The following PCDHA1 variants were observed in gnomAD, a reference collection of about 807,000 sequenced individuals.
The protein encoded by PCDHA1 is protocadherin alpha 1.
Under a neutral mutation model 61.3 loss-of-function variants are expected in PCDHA1, and 42 were observed. The observed-to-expected ratio is 0.69, with a 90% CI of 0.54 to 0.89. The LOEUF is 0.89. Among genes scored for constraint, PCDHA1 ranks in the 40% least tolerant of loss-of-function variants. The pLI is 0.00. For missense variants in PCDHA1, 1,256 were observed against 1,235.3 expected, an observed-to-expected ratio of 1.02 and a Z score of -0.25; for synonymous variants, 610 against 553.8, an observed-to-expected ratio of 1.10 and a Z score of -1.43.
At chr5:140,916,417 A>G (rs2077566178) in intron 1 of PCDHA1, among the ~76,000 whole-genome samples, 1 of 152,246 alleles carries the variant, frequency 6.6e-6, no homozygotes. Flanking sequence ...AAGTCAGCAC[A>G]TCTCAGAACC....
chr5:140,793,598 T>A (rs545962759), intron 1 of PCDHA1, among the ~76,000 whole-genome samples: 2 of 152,334 alleles, frequency 1.3e-5, no homozygotes, highest in South Asian at 4.1e-4. Context: ...ACAAAATTGG[T>A]GACATGGTTA....
In PCDHA1 at chr5:140,786,214, A is replaced by C. The variant is rs1299716082; in HGVS notation, c.-77A>C. On this transcript the variant is annotated 5_prime_UTR_variant, in exon 1 of 4. Coordinates refer to ENST00000504120, the MANE Select transcript of PCDHA1 (RefSeq NM_018900.4). Reference sequence around the variant, plus strand: ...AGAAGACAGAAACGGTAAAGAGATAAATGATTGGAAATATTAGATAAAATG... The same window carrying C: ...AGAAGACAGAAACGGTAAAGAGATACATGATTGGAAATATTAGATAAAATG... 3 of 1,496,574 alleles carry C rather than the reference A, an allele frequency of 2.0e-6. No homozygotes were observed. The African/African-American group carries it at 4.2e-5, about 21-fold the overall frequency. The allele number at this position is 1,496,574 out of a possible 1,614,324, so 92.7% of individuals were successfully genotyped here.
At chr5:140,837,652 CCTTTTTCTTTCATT>C (rs2150143290) in intron 1 of PCDHA1, among the ~76,000 whole-genome samples, 1 of 148,754 alleles carries the variant, frequency 6.7e-6, no homozygotes, top group South Asian at 2.1e-4. Flanking sequence ...TTTCTTTCTT[CCTTTTTCTTTCATT>C]CTTTTTCTTT....
chr5:140,832,529 C>T (rs1417040137), intron 1 of PCDHA1, among the ~76,000 whole-genome samples: 1 of 152,170 alleles, frequency 6.6e-6, no homozygotes, highest in Non-Finnish European at 1.5e-5. Context: ...TGAAGATCAC[C>T]ATTTGTGTAG....
chr5:140,795,084 A>C (rs1562150572), intron 1 of PCDHA1: 14 of 1,614,034 alleles, frequency 8.7e-6, no homozygotes, highest in Non-Finnish European at 1.1e-5. Flanking sequence ...AGGAGGCCAA[A>C]CACGGCACCT....
intron 1 of PCDHA1, among the ~76,000 whole-genome samples, chr5:140,959,250 G>A (rs2095476529): frequency 6.6e-6 from 1 of 152,030 alleles, no homozygotes. Context: ...GATAGTGCAT[G>A]ACTGTAGTCC....
chr5:140,928,216 A>T, intron 1 of PCDHA1: 1 of 1,614,188 alleles, frequency 6.2e-7, no homozygotes, highest in Non-Finnish European at 8.5e-7. Context: ...GAATGACAAT[A>T]CACCAAACTT....
intron 1 of PCDHA1, among the ~76,000 whole-genome samples, chr5:140,961,406 G>C (rs1046743232): frequency 4.6e-5 from 7 of 152,008 alleles, no homozygotes; most frequent in Non-Finnish European, 1.0e-4. Flanking sequence ...AACACTTTTT[G>C]GCATGTTATT....
chr5:140,886,841 A>G lies in PCDHA1; in HGVS notation c.2395-92108A>G, dbSNP rs11748230. ...GACTTCGTCTTGAAAAAAAAAAAAA[A>G]AAAAAAGAAAGGTCTTCCCAACTCC... is the stretch of plus-strand genomic sequence containing the variant. On this transcript the variant is annotated intron_variant, in intron 1 of 3. Transcript: ENST00000504120. Among the ~76,000 whole-genome samples the G allele has an allele frequency of 9.0e-3, 1,368 of 151,662 alleles. 8 individuals are homozygous for G. Among genetic ancestry groups the G allele is most frequent in the Non-Finnish European group, 0.016 (1,078 of 67,864 alleles).
At position 140,788,618 on chromosome 5, in the gene PCDHA1, A is replaced by G. The variant is rs369861299; in HGVS notation, c.2328A>G (p.Leu776=). 6.2e-6 allele frequency: 10 copies of G among 1,613,762 alleles called. 1 individual carries two copies. The highest frequency in any genetic ancestry group is 5.5e-5 in the South Asian group (5 of 91,048). Residue 776 remains leucine, a synonymous_variant, in exon 1 of 4, where the codon CTA becomes CTG. Coordinates refer to ENST00000504120, the MANE Select transcript of PCDHA1 (RefSeq NM_018900.4). Reference sequence around the variant, plus strand: ...ACCTCATGGCCTTCAGCCCAGGCCTATCTCCAAGTCTTAACACGTCAGAAA... The same window carrying G: ...ACCTCATGGCCTTCAGCCCAGGCCTGTCTCCAAGTCTTAACACGTCAGAAA... The part of the protein sequence containing the change: ...KTDLMAFSPG[L]SPSLNTSERN...
intron 1 of PCDHA1, chr5:140,829,834 G>A (rs1263397985): frequency 2.5e-6 from 4 of 1,613,810 alleles, no homozygotes; most frequent in African/African-American, 2.7e-5. Flanking sequence ...GCGAGCTGGT[G>A]CCGCGGTCAC....
chr5:140,856,321 C>G lies in PCDHA1; in HGVS notation c.2394+67637C>G, dbSNP rs544932528. ...TGTTTGTGAATTCTCGGATTGACCG[C>G]GAGGAGCTGTGCGGGCGGAGCGTGG... On this transcript the variant is annotated intron_variant, in intron 1 of 3. Transcript: ENST00000504120. 15 of 1,598,548 alleles carry G rather than the reference C, an allele frequency of 9.4e-6. 2 individuals are homozygous for G. In the Admixed American group the frequency reaches 1.3e-4, roughly 14 times the overall value.
At chr5:140,791,150 A>C (rs1379342106) in intron 1 of PCDHA1, among the ~76,000 whole-genome samples, 1 of 152,232 alleles carries the variant, frequency 6.6e-6, no homozygotes, top group Non-Finnish European at 1.5e-5. Context: ...GAAAATGAGA[A>C]ATAGTTTATA....
intron 1 of PCDHA1, chr5:140,877,802 A>C: frequency 6.2e-7 from 1 of 1,613,434 alleles, no homozygotes; most frequent in Non-Finnish European, 8.5e-7. Flanking sequence ...CCAAGCCTTC[A>C]GCTGTCTCGA....
At chr5:140,797,216 C>A (rs1554120342) in intron 1 of PCDHA1, 1 of 1,614,202 alleles carries the variant, frequency 6.2e-7, no homozygotes, top group Admixed American at 1.7e-5. Flanking sequence ...TGGTCTTACT[C>A]GCAGCAGAGG....
chr5:140,870,935 A>C, intron 1 of PCDHA1: 2 of 1,613,778 alleles, frequency 1.2e-6, no homozygotes, highest in African/African-American at 2.7e-5. Context: ...TATGAATTGC[A>C]GCCGGCGGCG....
At chr5:140,980,852 T>G (rs1233523507) in intron 2 of PCDHA1, among the ~76,000 whole-genome samples, 5 of 152,184 alleles carry the variant, frequency 3.3e-5, no homozygotes, top group African/African-American at 1.2e-4. Flanking sequence ...TACTAATCTT[T>G]TTCGTATGTG....
chr5:140,851,135 A>G (rs782166459), intron 1 of PCDHA1: 3 of 1,314,088 alleles, frequency 2.3e-6, no homozygotes, highest in Admixed American at 2.9e-5. Flanking sequence ...ATTTGTGATT[A>G]AAGTGACATT....
At chr5:140,871,405 C>T (rs1554165555) in intron 1 of PCDHA1, 10 of 1,614,106 alleles carry the variant, frequency 6.2e-6, no homozygotes, top group Non-Finnish European at 7.6e-6. Flanking sequence ...TAAGACGGAC[C>T]TCATGGCCTT....
Sources: gnomAD v4.1 joint callset for allele counts (sites outside exome capture counted in the v4.1 genomes callset) on GRCh38, gnomAD v4.1.1 for gene constraint, MANE v1.5 for transcripts, NCBI Gene and HGNC (gene_info 2026-07-23, HGNC 2026-07-21) for gene names.